The following SLC30A6 variants were observed in gnomAD, a reference collection of about 807,000 sequenced individuals.
SLC30A6 encodes the protein zinc transporter 6.
In SLC30A6, 55 loss-of-function variants were observed where a neutral mutation model predicts 63.0. The ratio of observed to expected loss-of-function variants is 0.87; its 90% CI spans 0.70 to 1.09. SLC30A6 has a LOEUF of 1.09. Among genes scored for constraint, SLC30A6 ranks in the 50% least tolerant of loss-of-function variants. The pLI is 0.00. For missense variants in SLC30A6, 587 were observed against 549.2 expected (o/e 1.07, Z -0.69); for synonymous variants, 224 against 186.1 (o/e 1.20, Z -1.66).
intron 2 of SLC30A6, among the ~76,000 whole-genome samples, chr2:32,173,156 C>T (rs954215685): frequency 1.3e-5 from 2 of 152,172 alleles, no homozygotes; most frequent in Non-Finnish European, 2.9e-5. Flanking sequence ...CATTTCTCAG[C>T]TTCCTTTTGT....
intron 12 of SLC30A6, among the ~76,000 whole-genome samples, chr2:32,209,109 G>A (rs1685037055): frequency 6.6e-6 from 1 of 152,140 alleles, no homozygotes; most frequent in Non-Finnish European, 1.5e-5. Flanking sequence ...GGATTTCAGA[G>A]AAAGAAGTGA....
At chr2:32,199,183 G>A (rs1461547835) in intron 10 of SLC30A6, among the ~76,000 whole-genome samples, 1 of 152,174 alleles carries the variant, frequency 6.6e-6, no homozygotes, top group East Asian at 1.9e-4. Flanking sequence ...TAATTGGAAT[G>A]CTGAATCACA....
At position 32,209,627 on chromosome 2, in the gene SLC30A6, A is replaced by T. The variant is rs551586858; in HGVS notation, c.885+66A>T. 45 of 1,368,040 alleles carry T rather than the reference A, an allele frequency of 3.3e-5. No homozygotes were observed. In the African/African-American group the frequency reaches 6.4e-4, roughly 19 times the overall value. 84.7% of individuals were successfully genotyped at this position (1,368,040 alleles called of 1,614,324 possible). ...ATAGTCTTCCATTTTTAAAACTGAA[A>T]AAAAATATTTCCTTAAAATTTTTAT... On this transcript the variant is annotated intron_variant, in intron 13 of 13. Transcript: ENST00000282587.
At position 32,204,535 on chromosome 2, in the gene SLC30A6, G is replaced by T; in HGVS notation, c.666-55G>T. ...TAATTAATGTTCAGGAGATTTAATT[G>T]TAATATGCCCAGTGAGATATAAATT... On this transcript the variant is annotated intron_variant, in intron 10 of 13. Transcript: ENST00000282587. 3.4e-6 allele frequency: 4 copies of T among 1,185,456 alleles called. 1 individual carries two copies. The South Asian group carries it at 5.1e-5, about 15-fold the overall frequency. The allele number at this position is 1,185,456 out of a possible 1,614,324, so 73.4% of individuals were successfully genotyped here.
Position 32,170,092 on chromosome 2 carries a change from A to T in SLC30A6, c.4-1195A>T, listed in dbSNP as rs145828356. On this transcript the variant is annotated intron_variant, in intron 1 of 13. Coordinates refer to ENST00000282587, the MANE Select transcript of SLC30A6 (RefSeq NM_017964.5). ...GGGTATTACATTCGCCCATGAAATT[A>T]TATAGTAAAATCAATCAATTTTTTT... 4.1e-3 allele frequency among the ~76,000 whole-genome samples: 630 copies of T among 152,230 alleles called. 8 individuals carry two copies. The highest frequency in any genetic ancestry group is 0.014 in the African/African-American group (593 of 41,526).
intron 8 of SLC30A6, 139 bp from the exon 9 acceptor site, chr2:32,197,205 G>C (rs567562454): frequency 2.9e-6 from 2 of 696,900 alleles, no homozygotes; most frequent in South Asian, 2.0e-5. Flanking sequence ...AACATTTATA[G>C]ATTTGAGGAG....
chr2:32,174,061 A>T lies in SLC30A6; in HGVS notation c.91-2A>T, dbSNP rs1426505901. The T allele has an allele frequency of 1.9e-6, 3 of 1,610,280 alleles. No individual in the cohort carries two copies. Among genetic ancestry groups the T allele is most frequent in the Non-Finnish European group, 1.7e-6 (2 of 1,178,378 alleles). On this transcript the variant is annotated splice_acceptor_variant, in intron 2 of 13. Transcript: ENST00000282587. LOFTEE classifies it high-confidence loss of function. Reference sequence around the variant, plus strand: ...ACATAAGAGTGATTTTTATTTTCACAGTCCTGGAAGATACTGCTCTTTGGT... The same window carrying T: ...ACATAAGAGTGATTTTTATTTTCACTGTCCTGGAAGATACTGCTCTTTGGT...
At chr2:32,207,051 T>C (rs1573393985) in intron 12 of SLC30A6, 118 bp downstream of exon 12, 1 of 800,518 alleles carries the variant, frequency 1.2e-6, no homozygotes, top group East Asian at 2.8e-5. Flanking sequence ...GTTCATGTTC[T>C]TCACAATAAC....
In SLC30A6 at chr2:32,200,036, A is replaced by G. The variant is rs1366415255; in HGVS notation, c.665+2210A>G. On this transcript the variant is annotated intron_variant, in intron 10 of 13. Transcript: ENST00000282587. ...AGGCTGAAGCAGGAGAATCGCTTGA[A>G]CCCAGGAAGTGGAGGAGGTTATATA... 2.0e-5 allele frequency among the ~76,000 whole-genome samples: 3 copies of G among 152,026 alleles called. No homozygotes were observed. The East Asian group carries it at 5.8e-4, about 29-fold the overall frequency.
chr2:32,207,567 G>A (rs896029745), intron 12 of SLC30A6, among the ~76,000 whole-genome samples: 4 of 151,924 alleles, frequency 2.6e-5, no homozygotes, highest in African/African-American at 9.7e-5. Flanking sequence ...AGTGGAGACA[G>A]GGTTTCGCTG....
At chr2:32,203,831 A>G (rs1470115110) in intron 10 of SLC30A6, 1 of 1,421,046 alleles carries the variant, frequency 7.0e-7, no homozygotes, top group Non-Finnish European at 9.9e-7. Flanking sequence ...AATTCCAGAC[A>G]GAGGAGTGGT....
chr2:32,197,950 C>T, intron 10 of SLC30A6, 124 bp downstream of exon 10: 1 of 1,146,602 alleles, frequency 8.7e-7, no homozygotes, highest in South Asian at 1.6e-5. Flanking sequence ...TAACTTAGAT[C>T]ACATCTTTTC....
chr2:32,212,894 A>ATTTTTT (rs10522618), intron 13 of SLC30A6, among the ~76,000 whole-genome samples: 3 of 118,258 alleles, frequency 2.5e-5, no homozygotes, highest in African/African-American at 9.7e-5. Context: ...TGTGTCCAGC[A>ATTTTTT]TTTTTTTTTT....
Position 32,197,842 on chromosome 2 carries a change from T to G in SLC30A6, c.665+16T>G. On this transcript the variant is annotated intron_variant, in intron 10 of 13. Coordinates refer to ENST00000282587, the MANE Select transcript of SLC30A6 (RefSeq NM_017964.5). ...TTGAAATTAAGTGAGTATTTTTTAT[T>G]GTTGTCAAGTATGTTTTGATTTCTG... The G allele has an allele frequency of 6.2e-7, 1 of 1,612,780 alleles. No homozygotes were observed. Among genetic ancestry groups the G allele is most frequent in the Non-Finnish European group, 8.5e-7 (1 of 1,179,420 alleles).
intron 10 of SLC30A6, chr2:32,202,023 G>GAA (rs369983441): frequency 1.3e-4 from 119 of 886,128 alleles, no homozygotes; most frequent in African/African-American, 7.4e-4. Context: ...TGATGAATAT[G>GAA]AAAAAAAAAA....
At chr2:32,185,823 G>A (rs534894309) in intron 5 of SLC30A6, among the ~76,000 whole-genome samples, 15 of 151,464 alleles carry the variant, frequency 9.9e-5, no homozygotes, top group Non-Finnish European at 1.6e-4. Context: ...GGGTTCCAGC[G>A]ATTCTTCTGC....
chr2:32,201,783 C>A (rs1434216265), intron 10 of SLC30A6: 67 of 1,351,944 alleles, frequency 5.0e-5, no homozygotes, highest in Non-Finnish European at 6.2e-5. Context: ...GCTGAAAATA[C>A]ATTACACAGT....
chr2:32,205,186 C>T (rs1413428354), intron 11 of SLC30A6, among the ~76,000 whole-genome samples: 1 of 152,016 alleles, frequency 6.6e-6, no homozygotes, highest in African/African-American at 2.4e-5. Context: ...TTTGGGAGGC[C>T]AAGGCGGGCA....
At chr2:32,201,320 T>C (rs990174421) in intron 10 of SLC30A6, among the ~76,000 whole-genome samples, 1 of 152,188 alleles carries the variant, frequency 6.6e-6, no homozygotes, top group South Asian at 2.1e-4. Context: ...CCAGTTTGAA[T>C]TGTTGATGTT....
Sources: gnomAD v4.1 joint callset for allele counts (sites outside exome capture counted in the v4.1 genomes callset) on GRCh38, gnomAD v4.1.1 for gene constraint, MANE v1.5 for transcripts, NCBI Gene and HGNC (gene_info 2026-07-23, HGNC 2026-07-21) for gene names.